Variants in THSD7B observed in about 807,000 individuals in gnomAD.
THSD7B encodes thrombospondin type 1 domain containing 7B, also known as thrombospondin type-1 domain-containing protein 7B.
Under a neutral mutation model 213.6 loss-of-function variants are expected in THSD7B, and 138 were observed. The observed-to-expected ratio is 0.65, with a 90% CI of 0.56 to 0.74. The LOEUF (loss-of-function observed/expected upper bound fraction) is 0.74. Among genes scored for constraint, THSD7B ranks in the 30% least tolerant of loss-of-function variants. THSD7B has a pLI of 0.00. For missense variants in THSD7B, 1,931 were observed against 1,991.5 expected (o/e 0.97, Z 0.58); for synonymous variants, 742 against 687.0 (o/e 1.08, Z -1.25).
intron 21 of THSD7B, among the ~76,000 whole-genome samples, chr2:137,651,227 T>C (rs186003423): frequency 6.6e-6 from 1 of 152,258 alleles, no homozygotes; most frequent in East Asian, 1.9e-4. Context: ...TGGGAGACTT[T>C]TAAGTACAGC....
intron 15 of THSD7B, among the ~76,000 whole-genome samples, chr2:137,492,637 C>CA (rs952044810): frequency 2.6e-5 from 4 of 152,132 alleles, no homozygotes; most frequent in African/African-American, 9.7e-5. Context: ...TTCTGGGCCC[C>CA]ATTTATTCCT....
chr2:137,421,476 A>C (rs1037702010), intron 14 of THSD7B, among the ~76,000 whole-genome samples: 1 of 152,154 alleles, frequency 6.6e-6, no homozygotes, highest in Non-Finnish European at 1.5e-5. Flanking sequence ...AGTTACTTAC[A>C]TTTATTGGCT....
intron 15 of THSD7B, among the ~76,000 whole-genome samples, chr2:137,467,693 C>T (rs1045714421): frequency 6.6e-6 from 1 of 152,112 alleles, no homozygotes. Context: ...TTTTAAGTCA[C>T]ATATCAGAAA....
chr2:137,493,120 CTCAAAAAAAA>C (rs1477745129), intron 15 of THSD7B, among the ~76,000 whole-genome samples: 92 of 24,986 alleles, frequency 3.7e-3, no homozygotes, highest in African/African-American at 8.1e-3. Flanking sequence ...CACTCTCTCT[CTCAAAAAAAA>C]AAAAAAAAAA....
intron 15 of THSD7B, among the ~76,000 whole-genome samples, chr2:137,547,295 T>C (rs1166034540): frequency 1.3e-5 from 2 of 152,020 alleles, no homozygotes; most frequent in Non-Finnish European, 2.9e-5. Flanking sequence ...AGGTCTGTTA[T>C]GGAAGGACTC....
intron 2 of THSD7B, among the ~76,000 whole-genome samples, chr2:136,893,075 T>G (rs1683892910): frequency 6.6e-6 from 1 of 152,192 alleles, no homozygotes; most frequent in Admixed American, 6.5e-5. Flanking sequence ...TCTTCCACAT[T>G]AACGGGAAGT....
intron 4 of THSD7B, among the ~76,000 whole-genome samples, chr2:137,109,550 C>G (rs1055181551): frequency 6.6e-6 from 1 of 152,170 alleles, no homozygotes; most frequent in African/African-American, 2.4e-5. Flanking sequence ...ACAGTCCCAT[C>G]TGGGGGTGGT....
intron 2 of THSD7B, among the ~76,000 whole-genome samples, chr2:136,955,813 C>T (rs1685114376): frequency 6.6e-6 from 1 of 152,016 alleles, no homozygotes; most frequent in Non-Finnish European, 1.5e-5. Flanking sequence ...CCCACCACAC[C>T]TGGCTAATTT....
chr2:136,881,238 A>G (rs920222783), intron 1 of THSD7B, among the ~76,000 whole-genome samples: 6 of 151,970 alleles, frequency 3.9e-5, no homozygotes, highest in African/African-American at 1.5e-4. Context: ...TCTTAATACT[A>G]CTGTTAGAGC....
chr2:137,239,996 T>A (rs1681865063), intron 9 of THSD7B, among the ~76,000 whole-genome samples: 1 of 152,188 alleles, frequency 6.6e-6, no homozygotes, highest in Non-Finnish European at 1.5e-5. Flanking sequence ...GGGACACTGA[T>A]GCCATTCATG....
intron 15 of THSD7B, among the ~76,000 whole-genome samples, chr2:137,469,491 C>T (rs921538989): frequency 8.6e-5 from 13 of 152,014 alleles, no homozygotes; most frequent in African/African-American, 3.1e-4. Context: ...ATATCATTTA[C>T]GTGTCACAAA....
At chr2:137,651,150 A>G (rs1037325748) in intron 21 of THSD7B, among the ~76,000 whole-genome samples, 3 of 152,062 alleles carry the variant, frequency 2.0e-5, no homozygotes, top group Non-Finnish European at 4.4e-5. Flanking sequence ...TAGAATTGGT[A>G]TTAGTTCTAT....
chr2:136,931,806 A>G (rs1347724708), intron 2 of THSD7B, among the ~76,000 whole-genome samples: 2 of 152,228 alleles, frequency 1.3e-5, no homozygotes, highest in African/African-American at 4.8e-5. Context: ...AACCAGGACT[A>G]GCTTTTAATA....
intron 20 of THSD7B, among the ~76,000 whole-genome samples, chr2:137,638,982 C>T (rs1477270765): frequency 6.6e-6 from 1 of 151,406 alleles, no homozygotes; most frequent in African/African-American, 2.4e-5. Flanking sequence ...AAATTTGCAG[C>T]CTGACGATGC....
At chr2:136,969,985 G>T (rs747305852) in intron 2 of THSD7B, among the ~76,000 whole-genome samples, 1 of 152,118 alleles carries the variant, frequency 6.6e-6, no homozygotes, top group Non-Finnish European at 1.5e-5. Flanking sequence ...AGGAAGCGCA[G>T]GCAATGTGGT....
intron 1 of THSD7B, among the ~76,000 whole-genome samples, chr2:136,855,248 T>A (rs893715649): frequency 2.6e-5 from 4 of 151,978 alleles, no homozygotes; most frequent in Admixed American, 1.3e-4. Context: ...TTTGAGTGTA[T>A]ATATATATAT....
At chr2:137,105,756 A>G (rs532544337) in intron 4 of THSD7B, among the ~76,000 whole-genome samples, 1 of 151,432 alleles carries the variant, frequency 6.6e-6, no homozygotes, top group Admixed American at 6.6e-5. Context: ...CTATAAATCA[A>G]TAATAAACAG....
intron 12 of THSD7B, among the ~76,000 whole-genome samples, chr2:137,279,035 A>T (rs986194954): frequency 2.0e-5 from 3 of 152,084 alleles, no homozygotes; most frequent in African/African-American, 7.2e-5. Flanking sequence ...TCTTCAAAAA[A>T]ACAGCAGTAG....
At chr2:137,327,952 G>A (rs1023747434) in intron 12 of THSD7B, among the ~76,000 whole-genome samples, 3 of 151,920 alleles carry the variant, frequency 2.0e-5, no homozygotes, top group East Asian at 1.9e-4. Context: ...CATTTTTTTC[G>A]CAGCTGGATG....
Sources: allele counts gnomAD v4.1 joint callset (sites outside exome capture counted in the v4.1 genomes callset), GRCh38; gene constraint gnomAD v4.1.1; transcripts MANE v1.5; gene names NCBI Gene and HGNC (gene_info 2026-07-23, HGNC 2026-07-21).